Variants in EPM2A observed in about 807,000 individuals in gnomAD.
The protein encoded by EPM2A is EPM2A glucan phosphatase, laforin, also known as laforin.
Under a neutral mutation model 26.5 loss-of-function variants are expected in EPM2A, and 21 were observed. The observed-to-expected ratio is 0.79, with a 90% confidence interval of 0.56 to 1.14. The LOEUF is 1.14. Ranked by LOEUF, EPM2A falls within the 50% of genes most tolerant of loss-of-function variation. The pLI is 0.00. For missense variants in EPM2A, 458 were observed against 440.8 expected, an observed-to-expected ratio of 1.04 and a Z score of -0.35; for synonymous variants, 217 against 177.6, an observed-to-expected ratio of 1.22 and a Z score of -1.76.
intron 4 of EPM2A, among the ~76,000 whole-genome samples, chr6:145,481,164 C>T (rs1173910210): frequency 6.6e-6 from 1 of 152,126 alleles, no homozygotes; most frequent in Non-Finnish European, 1.5e-5. Context: ...TCAGGGCAAC[C>T]TTGGGGCTTT....
chr6:145,577,857 T>C (rs1781056215), intron 2 of EPM2A, among the ~76,000 whole-genome samples: 1 of 152,054 alleles, frequency 6.6e-6, no homozygotes, highest in Non-Finnish European at 1.5e-5. Flanking sequence ...CTATCTTTTA[T>C]GAACACAATG....
chr6:145,401,909 A>T (rs1378409013), intron 4 of EPM2A, among the ~76,000 whole-genome samples: 1 of 152,120 alleles, frequency 6.6e-6, no homozygotes, highest in Admixed American at 6.6e-5. Flanking sequence ...ATATAAATAA[A>T]TGAATAATAA....
chr6:145,709,376 T>G (rs1051947821), intron 1 of EPM2A, among the ~76,000 whole-genome samples: 1 of 152,114 alleles, frequency 6.6e-6, no homozygotes. Flanking sequence ...GGGAGGTAAT[T>G]GAATCATGGG....
intron 4 of EPM2A, among the ~76,000 whole-genome samples, chr6:145,417,561 T>C (rs1369812870): frequency 1.3e-5 from 2 of 152,170 alleles, no homozygotes; most frequent in East Asian, 3.8e-4. Context: ...AAGATGAAAT[T>C]TCTAGCTGAA....
intron 2 of EPM2A, among the ~76,000 whole-genome samples, chr6:145,506,216 T>C (rs1453928825): frequency 1.3e-5 from 2 of 152,248 alleles, no homozygotes; most frequent in Non-Finnish European, 2.9e-5. Context: ...TGTTTATTTT[T>C]GTTTTTAAAT....
chr6:145,484,632 T>C (rs903156360), intron 4 of EPM2A, among the ~76,000 whole-genome samples: 1 of 152,098 alleles, frequency 6.6e-6, no homozygotes, highest in African/African-American at 2.4e-5. Flanking sequence ...CTTTAAATCA[T>C]GCAAAAGACA....
At chr6:145,649,771 C>T (rs768838172) in intron 2 of EPM2A, among the ~76,000 whole-genome samples, 3 of 152,202 alleles carry the variant, frequency 2.0e-5, no homozygotes, top group Non-Finnish European at 4.4e-5. Context: ...GTCACAGCTA[C>T]TTTCCCACTG....
intron 2 of EPM2A, among the ~76,000 whole-genome samples, chr6:145,560,928 T>C (rs772370698): frequency 4.6e-5 from 7 of 152,130 alleles, no homozygotes; most frequent in Admixed American, 1.3e-4. Context: ...TTAAAAATGT[T>C]TCTATTGTTA....
intron 2 of EPM2A, among the ~76,000 whole-genome samples, chr6:145,620,231 G>A (rs1210223729): frequency 2.6e-5 from 4 of 152,158 alleles, no homozygotes; most frequent in Admixed American, 1.3e-4. Flanking sequence ...TCAGATCATC[G>A]TGCATTAGAT....
At chr6:145,491,408 T>C (rs1480466225) in intron 4 of EPM2A, among the ~76,000 whole-genome samples, 2 of 151,296 alleles carry the variant, frequency 1.3e-5, no homozygotes, top group Admixed American at 6.5e-5. Context: ...GTGGACTCCA[T>C]ATCTGGCAGG....
intron 2 of EPM2A, among the ~76,000 whole-genome samples, chr6:145,678,040 T>C (rs944200594): frequency 6.6e-6 from 1 of 152,180 alleles, no homozygotes; most frequent in Non-Finnish European, 1.5e-5. Flanking sequence ...ACTACAAGGC[T>C]ACAGTAACCA....
At chr6:145,732,767 G>A (rs1026474831) in intron 1 of EPM2A, among the ~76,000 whole-genome samples, 3 of 152,122 alleles carry the variant, frequency 2.0e-5, no homozygotes, top group Non-Finnish European at 2.9e-5. Context: ...CCTTGTTTAC[G>A]AGTCTAATTG....
rs1776563153 is a variant in EPM2A, at chr6:145,635,271, A to G, written c.692T>C (p.Met231Thr). Residue 231 changes from methionine (M) to threonine (T), a missense_variant, in exon 3 of 4, where the codon ATG (methionine) becomes ACG (threonine). Met to Thr is a moderately conservative substitution (Grantham distance 81). Transcript: ENST00000367519. The stretch of plus-strand genomic sequence containing the variant: ...TTCGGTGCTCATATCTGGTGTTGGC[A>G]TCCAGATGTAGGCCAAGCCTTCTTC... ...YREEGLAYIW[M>T]PTPDMSTEGR... 1 of 1,613,976 alleles carries G rather than the reference A, an allele frequency of 6.2e-7. No individual in the cohort carries two copies. Among genetic ancestry groups the G allele is most frequent in the African/African-American group, 1.3e-5 (1 of 74,946 alleles).
At chr6:145,466,886 C>T (rs1000954679) in intron 4 of EPM2A, among the ~76,000 whole-genome samples, 7 of 152,062 alleles carry the variant, frequency 4.6e-5, no homozygotes, top group East Asian at 1.9e-4. Flanking sequence ...AGTAAACTAT[C>T]GCAAGAACAA....
chr6:145,464,929 T>C (rs1032584677), intron 4 of EPM2A, among the ~76,000 whole-genome samples: 9 of 152,166 alleles, frequency 5.9e-5, no homozygotes, highest in Non-Finnish European at 1.3e-4. Context: ...ATTTCAACTT[T>C]GGTGAATCTG....
chr6:145,611,195 G>A (rs1321835418), intron 2 of EPM2A, among the ~76,000 whole-genome samples: 1 of 152,064 alleles, frequency 6.6e-6, no homozygotes, highest in African/African-American at 2.4e-5. Context: ...ATTGGCAAAT[G>A]TTTCAAATTA....
chr6:145,606,471 A>G (rs1775261304), intron 2 of EPM2A, among the ~76,000 whole-genome samples: 1 of 152,022 alleles, frequency 6.6e-6, no homozygotes, highest in South Asian at 2.1e-4. Context: ...ACATTTAAAT[A>G]TTAAATACTG....
intron 2 of EPM2A, among the ~76,000 whole-genome samples, chr6:145,532,947 C>T (rs1562372539): frequency 6.6e-6 from 1 of 152,084 alleles, no homozygotes; most frequent in Non-Finnish European, 1.5e-5. Context: ...CAATTTGTCC[C>T]TTGATGACCC....
intron 2 of EPM2A, among the ~76,000 whole-genome samples, chr6:145,655,218 A>G (rs1778185670): frequency 6.6e-6 from 1 of 150,840 alleles, no homozygotes; most frequent in African/African-American, 2.4e-5. Flanking sequence ...TGGCTTTTCC[A>G]GTGGTTTCTG....
Sources: gnomAD v4.1 joint callset for allele counts (sites outside exome capture counted in the v4.1 genomes callset) on GRCh38, gnomAD v4.1.1 for gene constraint, MANE v1.5 for transcripts, NCBI Gene and HGNC (gene_info 2026-07-23, HGNC 2026-07-21) for gene names.